NALF1: variants seen among roughly 807,000 people sequenced by gnomAD.
NALF1 encodes family with sequence similarity 155 member A.
A neutral mutation model predicts 48.4 loss-of-function variants in NALF1; 3 were observed. That is an observed-to-expected ratio of 0.06 (90% CI 0.03 to 0.16). The LOEUF is 0.16. Ranked by LOEUF, NALF1 falls within the 10% of genes least tolerant of loss-of-function variation. The pLI, the probability that NALF1 is intolerant of heterozygous loss-of-function variation, is 1.00. For synonymous variants in NALF1, 262 were observed against 245.7 expected (o/e 1.07, Z -0.62); for missense variants, 526 against 571.5 (o/e 0.92, Z 0.81).
intron 1 of NALF1, among the ~76,000 whole-genome samples, chr13:107,507,461 A>G (rs913206826): frequency 6.6e-6 from 1 of 151,854 alleles, no homozygotes; most frequent in African/African-American, 2.4e-5. Flanking sequence ...AATGAGAAAC[A>G]AGCAATTGAG....
intron 1 of NALF1, among the ~76,000 whole-genome samples, chr13:107,264,702 T>C (rs1239977911): frequency 6.6e-6 from 1 of 152,254 alleles, no homozygotes. Context: ...TTTGTGTTTA[T>C]ATGCATCTGT....
intron 1 of NALF1, among the ~76,000 whole-genome samples, chr13:107,735,624 C>G (rs187849787): frequency 6.6e-6 from 1 of 152,178 alleles, no homozygotes; most frequent in South Asian, 2.1e-4. Flanking sequence ...CAAAACAGAC[C>G]CCTTAAGGAG....
At chr13:107,747,694 T>C (rs1876821347) in intron 1 of NALF1, among the ~76,000 whole-genome samples, 1 of 152,220 alleles carries the variant, frequency 6.6e-6, no homozygotes, top group Non-Finnish European at 1.5e-5. Context: ...AATAGTCCTC[T>C]TTTATAGAAA....
chr13:107,650,394 T>TAAAAA lies in NALF1; in HGVS notation c.915+215283_915+215287dup, dbSNP rs11330259. ...TTTGAACGGTAATCTCTGCAACCAT[T>TAAAAA]AAAAAAAAAAAAAAGGAACAAATTA... On this transcript the variant is annotated intron_variant, in intron 1 of 2. Transcript: ENST00000375915. 2.7e-4 allele frequency among the ~76,000 whole-genome samples: 29 copies of TAAAAA among 107,666 alleles called. 1 individual carries two copies. The highest frequency in any genetic ancestry group is 7.5e-4 in the East Asian group (2 of 2,652). 70.6% of individuals were successfully genotyped at this position (107,666 alleles called of 152,430 possible).
At chr13:107,848,293 G>A (rs931262333) in intron 1 of NALF1, among the ~76,000 whole-genome samples, 2 of 152,146 alleles carry the variant, frequency 1.3e-5, no homozygotes, top group African/African-American at 4.8e-5. Context: ...TCAAAGAGGG[G>A]ATGATTTTAA....
At chr13:107,526,245 C>T (rs114465117) in intron 1 of NALF1, among the ~76,000 whole-genome samples, 5,575 of 152,076 alleles carry the variant, frequency 0.037, 171 homozygotes, top group African/African-American at 0.086. Context: ...AATGGGAGTA[C>T]GATCTTAAGA....
intron 1 of NALF1, among the ~76,000 whole-genome samples, chr13:107,818,848 G>A (rs1879264097): frequency 9.0e-6 from 1 of 111,018 alleles, no homozygotes; most frequent in Non-Finnish European, 1.7e-5. Flanking sequence ...CTCCAGCCTG[G>A]GCGACAGAGC....
chr13:107,607,305 T>C (rs575577259), intron 1 of NALF1, among the ~76,000 whole-genome samples: 1 of 152,002 alleles, frequency 6.6e-6, no homozygotes, highest in Non-Finnish European at 1.5e-5. Context: ...TTAAATTAAA[T>C]AAATGAAAGA....
chr13:107,845,032 C>T (rs906126975), intron 1 of NALF1, among the ~76,000 whole-genome samples: 1 of 152,124 alleles, frequency 6.6e-6, no homozygotes, highest in Admixed American at 6.6e-5. Context: ...TACAACAGCA[C>T]ATTAATTCTA....
rs536783605 is a variant in NALF1, at chr13:107,213,720, T to C, written c.916-2965A>G. Reference sequence around the variant, plus strand: ...CTAAAAATATTTCAGAATAAACTGGTAAAAGTTCGCATGGGAAGTAAACAA... The same window carrying C: ...CTAAAAATATTTCAGAATAAACTGGCAAAAGTTCGCATGGGAAGTAAACAA... On this transcript the variant is annotated intron_variant, in intron 1 of 2. Transcript: ENST00000375915. 1.6e-4 allele frequency among the ~76,000 whole-genome samples: 24 copies of C among 152,272 alleles called. No individual in the cohort carries two copies. The East Asian group carries it at 4.6e-3, about 29-fold the overall frequency.
At chr13:107,292,992 C>CTTTTTCTCTT (rs745529749) in intron 1 of NALF1, among the ~76,000 whole-genome samples, 1 of 110,678 alleles carries the variant, frequency 9.0e-6, no homozygotes, top group African/African-American at 3.3e-5. Flanking sequence ...TTTTCTTTTT[C>CTTTTTCTCTT]TTTTTTTTTT....
rs898794393 is a variant in NALF1, at chr13:107,338,976, CA to C, written c.916-128222del. Among the ~76,000 whole-genome samples the C allele has an allele frequency of 1.8e-4, 27 of 151,304 alleles. No homozygotes were observed. The Middle Eastern group carries it at 0.01, about 58-fold the overall frequency. Reference sequence around the variant, plus strand: ...TGAAACCCCGTCTCTACTAAAAATACAAAAAAAATTAGCCGGGCGTGGTGGC... The same window carrying C: ...TGAAACCCCGTCTCTACTAAAAATACAAAAAAATTAGCCGGGCGTGGTGGC... On this transcript the variant is annotated intron_variant, in intron 1 of 2. Transcript: ENST00000375915.
At chr13:107,403,529 CA>C (rs1883848834) in intron 1 of NALF1, among the ~76,000 whole-genome samples, 2 of 151,920 alleles carry the variant, frequency 1.3e-5, no homozygotes, top group South Asian at 4.2e-4. Context: ...TTCAACATTT[CA>C]GATTTGCTCT....
intron 1 of NALF1, among the ~76,000 whole-genome samples, chr13:107,606,396 T>A (rs1879071666): frequency 6.6e-6 from 1 of 151,904 alleles, no homozygotes. Context: ...GATGGAGTCT[T>A]GCTCTGTCAC....
At chr13:107,698,013 TG>T (rs1475781283) in intron 1 of NALF1, among the ~76,000 whole-genome samples, 1 of 152,184 alleles carries the variant, frequency 6.6e-6, no homozygotes, top group Non-Finnish European at 1.5e-5. Flanking sequence ...TTTATACCAA[TG>T]GTAGCAACAC....
intron 1 of NALF1, among the ~76,000 whole-genome samples, chr13:107,460,691 G>A (rs368475065): frequency 7.2e-5 from 11 of 152,190 alleles, no homozygotes; most frequent in African/African-American, 1.4e-4. Context: ...TATACAGTAC[G>A]ATATACACTA....
chr13:107,762,892 T>G (rs948415602), intron 1 of NALF1, among the ~76,000 whole-genome samples: 8 of 152,204 alleles, frequency 5.3e-5, no homozygotes, highest in Non-Finnish European at 8.8e-5. Context: ...TTAAGAAGTT[T>G]TAATTTTATC....
intron 1 of NALF1, among the ~76,000 whole-genome samples, chr13:107,405,286 A>T (rs1008165838): frequency 3.3e-5 from 5 of 152,070 alleles, no homozygotes; most frequent in African/African-American, 1.2e-4. Flanking sequence ...AGCTTTGTTA[A>T]ATATGAAGTA....
At chr13:107,832,950 C>T (rs534969023) in intron 1 of NALF1, among the ~76,000 whole-genome samples, 1 of 152,294 alleles carries the variant, frequency 6.6e-6, no homozygotes, top group South Asian at 2.1e-4. Flanking sequence ...AGCAGCACAG[C>T]GCCTGCTGGC....
Sources: allele counts gnomAD v4.1 joint callset (sites outside exome capture counted in the v4.1 genomes callset), GRCh38; gene constraint gnomAD v4.1.1; transcripts MANE v1.5; gene names NCBI Gene and HGNC (gene_info 2026-07-23, HGNC 2026-07-21).